AFF1: variants seen among roughly 807,000 people sequenced by gnomAD.
The protein encoded by AFF1 is ALF transcription elongation factor 1.
In AFF1, 48 loss-of-function variants were observed where a neutral mutation model predicts 121.7. The ratio of observed to expected loss-of-function variants is 0.39; its 90% confidence interval spans 0.31 to 0.50. The LOEUF (loss-of-function observed/expected upper bound fraction) is 0.50. Ranked by LOEUF, AFF1 falls within the 20% of genes least tolerant of loss-of-function variation. The probability of loss-of-function intolerance (pLI) is 0.76; values close to 1 mark genes in which losing one functional copy is unlikely to be tolerated. For missense variants in AFF1, 1,523 were observed against 1,511.7 expected (o/e 1.01, Z -0.12); for synonymous variants, 613 against 563.0 (o/e 1.09, Z -1.26).
chr4:87,129,055 A>G (rs1560659870), intron 16 of AFF1, among the ~76,000 whole-genome samples: 1 of 152,178 alleles, frequency 6.6e-6, no homozygotes, highest in East Asian at 1.9e-4. Context: ...TAATCTATTC[A>G]TATGCATACA....
chr4:86,982,471 C>A (rs990069350), intron 2 of AFF1, among the ~76,000 whole-genome samples: 1 of 118,154 alleles, frequency 8.5e-6, no homozygotes, highest in Non-Finnish European at 1.6e-5. Context: ...TGTTGAAATT[C>A]TAACCCCCAG....
chr4:87,064,790 T>G (rs779109506), intron 4 of AFF1, among the ~76,000 whole-genome samples: 2 of 150,998 alleles, frequency 1.3e-5, no homozygotes, highest in Non-Finnish European at 2.9e-5. Context: ...GAGAATTGCT[T>G]GAACCCAGGA....
chr4:87,046,217 C>T lies in AFF1; in HGVS notation c.90C>T (p.Arg30=), dbSNP rs1184710806. The T allele has an allele frequency of 1.2e-6, 2 of 1,613,992 alleles. No homozygotes were observed. Among genetic ancestry groups the T allele is most frequent in the Non-Finnish European group, 8.5e-7 (1 of 1,179,958 alleles). Residue 30 remains arginine, a synonymous_variant, in exon 3 of 21, where the codon CGC becomes CGT. Coordinates refer to ENST00000395146, the MANE Select transcript of AFF1 (RefSeq NM_001166693.3). ...TTCGAATTAGAGAGAAGGAAAGACG[C>T]AACCAGGAAGCCCACCAAGAGAAAG... The part of the protein sequence containing the change: ...NLLRIREKER[R]NQEAHQEKEA...
In AFF1 at chr4:87,090,028, G is replaced by C; in HGVS notation, c.1149G>C (p.Thr383=). 1 of 1,613,734 alleles carries C rather than the reference G, an allele frequency of 6.2e-7. No homozygotes were observed. ...SWPPPLTAIH[T]PSTAEPSKFP... ...CGCCTCCTTTGACAGCAATACATACGCCTAGTACAGCTGAGCCATCCAAGT... is the reference window on the plus strand; with the variant it reads ...CGCCTCCTTTGACAGCAATACATACCCCTAGTACAGCTGAGCCATCCAAGT... Residue 383 remains threonine, a synonymous_variant, in exon 6 of 21, where the codon ACG becomes ACC. Coordinates refer to ENST00000395146, the MANE Select transcript of AFF1 (RefSeq NM_001166693.3).
intron 3 of AFF1, 112 bp downstream of exon 3, chr4:87,046,398 G>A (rs1161768655): frequency 2.2e-6 from 3 of 1,387,520 alleles, no homozygotes; most frequent in Non-Finnish European, 2.9e-6. Context: ...GTGAAAATAA[G>A]ATAACTTATT....
chr4:87,088,007 ATTTAT>A (rs1443844380), intron 5 of AFF1, among the ~76,000 whole-genome samples: 2 of 152,230 alleles, frequency 1.3e-5, no homozygotes, highest in Non-Finnish European at 2.9e-5. Context: ...AATGCTTTTA[ATTTAT>A]TAAGTGCCTT....
At chr4:86,982,920 G>A (rs920567686) in intron 2 of AFF1, among the ~76,000 whole-genome samples, 3 of 150,012 alleles carry the variant, frequency 2.0e-5, no homozygotes, top group Non-Finnish European at 2.9e-5. Context: ...ACAGGTAGAA[G>A]ACGCCTTCTT....
intron 2 of AFF1, among the ~76,000 whole-genome samples, chr4:86,993,071 A>G (rs547426492): frequency 2.5e-4 from 38 of 152,336 alleles, no homozygotes; most frequent in African/African-American, 8.7e-4. Flanking sequence ...CATGTGACCT[A>G]GGTAGGAAAC....
chr4:86,994,209 T>C (rs1724938897), intron 2 of AFF1, among the ~76,000 whole-genome samples: 1 of 152,246 alleles, frequency 6.6e-6, no homozygotes. Flanking sequence ...GTTTTCTTAC[T>C]TGAATTAATC....
At position 87,115,078 on chromosome 4, in the gene AFF1, C is replaced by A; in HGVS notation, c.2245C>A (p.Pro749Thr). Residue 749 changes from proline (P) to threonine (T), a missense_variant, in exon 12 of 21, where the codon CCT becomes ACT. Physicochemically the swap from Pro to Thr is conservative, Grantham distance 38. Coordinates refer to ENST00000395146, the MANE Select transcript of AFF1 (RefSeq NM_001166693.3). Reference sequence around the variant, plus strand: ...CAGCCGCAAAGACAGACTCCCATTGCCTTTGAGAGACACCAAGCTGCTCTC... The same window carrying A: ...CAGCCGCAAAGACAGACTCCCATTGACTTTGAGAGACACCAAGCTGCTCTC... ...EDSRKDRLPLPLRDTKLLSPL... is the reference protein window; with the variant it reads ...EDSRKDRLPLTLRDTKLLSPL... 6.2e-7 allele frequency: 1 copy of A among 1,614,172 alleles called. No homozygotes were observed. The highest frequency in any genetic ancestry group is 8.5e-7 in the Non-Finnish European group (1 of 1,180,036).
chr4:87,058,248 A>C (rs1578162444), intron 4 of AFF1, among the ~76,000 whole-genome samples: 2 of 152,148 alleles, frequency 1.3e-5, no homozygotes, highest in East Asian at 3.9e-4. Context: ...ATCTGCCACA[A>C]AACATGGTTT....
rs1728313082 is a variant in AFF1 at position 87,127,015 on chromosome 4, T to A, written c.2812-11T>A. On this transcript the variant is annotated splice_polypyrimidine_tract_variant and intron_variant, in intron 14 of 20. Transcript: ENST00000395146. ...TAGAGTGTAATCTGTATATTGATTTTTTTTTTGAAGGGTTCTTCCGGAGAT... is the reference window on the plus strand; with the variant it reads ...TAGAGTGTAATCTGTATATTGATTTATTTTTTGAAGGGTTCTTCCGGAGAT... 1 of 1,612,782 alleles carries A rather than the reference T, an allele frequency of 6.2e-7. No homozygotes were observed. Among genetic ancestry groups the A allele is most frequent in the African/African-American group, 1.3e-5 (1 of 75,014 alleles).
chr4:86,948,818 A>G (rs1189224869), intron 2 of AFF1, among the ~76,000 whole-genome samples: 2 of 152,180 alleles, frequency 1.3e-5, no homozygotes, highest in Non-Finnish European at 2.9e-5. Flanking sequence ...GTTAATTTAA[A>G]TGATTAAATC....
chr4:86,982,610 T>C (rs1006695074), intron 2 of AFF1, among the ~76,000 whole-genome samples: 9 of 151,168 alleles, frequency 6.0e-5, no homozygotes, highest in African/African-American at 2.2e-4. Flanking sequence ...TTTGGAAGGC[T>C]AAGGCAGACA....
At chr4:87,003,975 T>C (rs1477567094) in intron 2 of AFF1, among the ~76,000 whole-genome samples, 2 of 152,242 alleles carry the variant, frequency 1.3e-5, no homozygotes, top group African/African-American at 4.8e-5. Context: ...TTCTTAAAAT[T>C]ATTTTCTAAA....
chr4:87,011,053 T>G (rs1231566688), intron 2 of AFF1, among the ~76,000 whole-genome samples: 1 of 131,650 alleles, frequency 7.6e-6, no homozygotes, highest in Non-Finnish European at 1.5e-5. Flanking sequence ...CACTCCAGCC[T>G]GGGTGACAGA....
chr4:86,994,636 T>G (rs1310067624), intron 2 of AFF1, among the ~76,000 whole-genome samples: 1 of 152,220 alleles, frequency 6.6e-6, no homozygotes, highest in African/African-American at 2.4e-5. Flanking sequence ...CCATCCAGCA[T>G]CATGACTTGA....
intron 2 of AFF1, among the ~76,000 whole-genome samples, chr4:87,019,562 T>C (rs776003665): frequency 1.3e-5 from 2 of 152,194 alleles, no homozygotes; most frequent in Non-Finnish European, 2.9e-5. Context: ...TTGCCTACAC[T>C]ATGAAGTCTT....
chr4:86,986,650 A>G (rs1220716637), intron 2 of AFF1, among the ~76,000 whole-genome samples: 4 of 152,118 alleles, frequency 2.6e-5, no homozygotes, highest in Admixed American at 2.6e-4. Context: ...AAGAATATAG[A>G]TTATAAAGAA....
Sources: gnomAD v4.1 joint callset for allele counts (sites outside exome capture counted in the v4.1 genomes callset) on GRCh38, gnomAD v4.1.1 for gene constraint, MANE v1.5 for transcripts, NCBI Gene and HGNC (gene_info 2026-07-23, HGNC 2026-07-21) for gene names.